Variants in NEDD4 observed in about 807,000 individuals in gnomAD.
NEDD4 encodes the protein E3 ubiquitin-protein ligase NEDD4.
A neutral mutation model predicts 144.9 loss-of-function variants in NEDD4; 99 were observed. The observed-to-expected ratio is 0.68, with a 90% CI of 0.58 to 0.81. The LOEUF (loss-of-function observed/expected upper bound fraction) is 0.81. Among genes scored for constraint, NEDD4 ranks in the 30% least tolerant of loss-of-function variants. NEDD4 has a pLI of 0.00. For missense variants in NEDD4, 985 were observed against 1,065.9 expected (o/e 0.92, Z 1.06); for synonymous variants, 318 against 350.6 (o/e 0.91, Z 1.04).
rs567805243 is a variant in NEDD4, at chr15:55,989,052, A to G, written c.45+4459T>C. Among the ~76,000 whole-genome samples, 229 of 152,306 alleles carry G rather than the reference A, an allele frequency of 1.5e-3. 1 individual carries two copies. Among genetic ancestry groups the G allele is most frequent in the African/African-American group, 5.3e-3 (222 of 41,560 alleles). On this transcript the variant is annotated intron_variant, in intron 1 of 28. Transcript: ENST00000435532. ...GGAGTTCGAGACCAGCCTGGCCAAC[A>G]TGGTAAAACCCCATCTCTACCAAAA...
chr15:55,838,510 T>C lies in NEDD4; in HGVS notation c.2126A>G (p.Gln709Arg). ...RFIIDEELFG[Q>R]THQHELKNGG... is the part of the protein sequence containing the mutation. ...TTTAACTGATCAAAATTCACAAACC[T>C]GTCCAAAAAGTTCTTCATCTATGAT... Residue 709 changes from glutamine (Q) to arginine (R), a missense_variant and splice_region_variant, in exon 22 of 29, where the codon CAG (glutamine) becomes CGG (arginine). Gln to Arg is a conservative substitution (Grantham distance 43, BLOSUM62 1). Coordinates refer to ENST00000435532, the MANE Select transcript of NEDD4 (RefSeq NM_006154.4). 1 of 1,608,084 alleles carries C rather than the reference T, an allele frequency of 6.2e-7. No individual in the cohort carries two copies. Among genetic ancestry groups the C allele is most frequent in the Non-Finnish European group, 8.5e-7 (1 of 1,175,518 alleles).
chr15:55,842,118 C>A lies in NEDD4; in HGVS notation c.1654G>T (p.Val552Phe). ...ATTCTCCGGTAAGAGTCTTCAAGAACAGTTGCTCGGCGAAGTTTCATTTCA... is the reference window on the plus strand; with the variant it reads ...ATTCTCCGGTAAGAGTCTTCAAGAAAAGTTGCTCGGCGAAGTTTCATTTCA... ...KFEMKLRRAT[V>F]LEDSYRRIMG... The change falls in exon 19 of 29, where the codon GTT becomes TTT. Residue 552 changes from valine to phenylalanine, a missense_variant. Transcript: ENST00000435532. 6.2e-7 allele frequency: 1 copy of A among 1,614,182 alleles called. No homozygotes were observed. The highest frequency in any genetic ancestry group is 8.5e-7 in the Non-Finnish European group (1 of 1,180,042).
At chr15:55,958,008 T>G (rs1383684825) in intron 2 of NEDD4, among the ~76,000 whole-genome samples, 1 of 152,132 alleles carries the variant, frequency 6.6e-6, no homozygotes, top group African/African-American at 2.4e-5. Flanking sequence ...TTAGGAGATA[T>G]ACCTAATGTA....
At chr15:55,895,112 C>A (rs773716753) in intron 5 of NEDD4, among the ~76,000 whole-genome samples, 6 of 152,150 alleles carry the variant, frequency 3.9e-5, no homozygotes, top group South Asian at 4.1e-4. Context: ...ATACTCACAG[C>A]TAGGTAACTG....
At chr15:55,940,105 T>A (rs1161547651) in intron 4 of NEDD4, among the ~76,000 whole-genome samples, 4 of 152,144 alleles carry the variant, frequency 2.6e-5, no homozygotes, top group Non-Finnish European at 4.4e-5. Context: ...AATAAGCTAG[T>A]CCCAGAAGAA....
chr15:55,868,627 G>A (rs532098229), intron 8 of NEDD4, among the ~76,000 whole-genome samples: 1 of 152,148 alleles, frequency 6.6e-6, no homozygotes, highest in African/African-American at 2.4e-5. Context: ...CACCATGATT[G>A]TGAGACCTCC....
chr15:55,923,916 C>T (rs1390577891), intron 5 of NEDD4, among the ~76,000 whole-genome samples: 1 of 151,792 alleles, frequency 6.6e-6, no homozygotes, highest in Non-Finnish European at 1.5e-5. Flanking sequence ...AACTGATAAG[C>T]TTTGCACACA....
intron 16 of NEDD4, 30 bp from the exon 17 acceptor site, chr15:55,848,460 C>T (rs2033841924): frequency 1.2e-6 from 2 of 1,613,160 alleles, no homozygotes; most frequent in Non-Finnish European, 8.5e-7. Flanking sequence ...AAAAGATGTA[C>T]TTTCTCACAC....
At chr15:55,978,855 T>G (rs1265893914) in intron 1 of NEDD4, among the ~76,000 whole-genome samples, 3 of 150,272 alleles carry the variant, frequency 2.0e-5, no homozygotes, top group South Asian at 4.2e-4. Flanking sequence ...GGTAGCTTCT[T>G]AAGGCTGAGA....
At chr15:55,893,867 A>G (rs1237004913) in intron 5 of NEDD4, among the ~76,000 whole-genome samples, 2 of 150,830 alleles carry the variant, frequency 1.3e-5, no homozygotes, top group Non-Finnish European at 3.0e-5. Flanking sequence ...CTGTTTTCTA[A>G]GGTAAACCAA....
At chr15:55,931,834 T>C (rs1291737907) in intron 4 of NEDD4, among the ~76,000 whole-genome samples, 3 of 152,206 alleles carry the variant, frequency 2.0e-5, no homozygotes, top group Non-Finnish European at 4.4e-5. Context: ...TCAGAGAATG[T>C]GCAACCATCA....
intron 4 of NEDD4, among the ~76,000 whole-genome samples, chr15:55,926,285 T>C (rs941450035): frequency 2.0e-5 from 3 of 152,148 alleles, no homozygotes; most frequent in Admixed American, 6.5e-5. Flanking sequence ...CTAGTGCCAG[T>C]CACTCCTCAG....
chr15:55,868,384 G>A (rs1200358879), intron 8 of NEDD4, among the ~76,000 whole-genome samples: 1 of 152,188 alleles, frequency 6.6e-6, no homozygotes, highest in African/African-American at 2.4e-5. Context: ...AATATGGTTT[G>A]GCTGTGTCCC....
chr15:55,838,360 G>C, intron 22 of NEDD4, 149 bp downstream of exon 22: 1 of 728,234 alleles, frequency 1.4e-6, no homozygotes, highest in Non-Finnish European at 2.3e-6. Context: ...AAATGTTAAA[G>C]AAAGTACAAA....
chr15:55,863,227 C>T (rs1365713929), intron 8 of NEDD4, 148 bp from the exon 9 acceptor site: 2 of 608,908 alleles, frequency 3.3e-6, no homozygotes, highest in Non-Finnish European at 4.9e-6. Context: ...ACTTTTAAGA[C>T]CATAATGTAA....
intron 4 of NEDD4, among the ~76,000 whole-genome samples, chr15:55,938,285 G>A (rs1236383021): frequency 2.0e-5 from 3 of 152,190 alleles, no homozygotes; most frequent in Admixed American, 6.5e-5. Context: ...TTTGAACCTG[G>A]GAGGTGGTGG....
intron 1 of NEDD4, among the ~76,000 whole-genome samples, chr15:55,968,338 T>C (rs1366258600): frequency 6.6e-6 from 1 of 152,114 alleles, no homozygotes; most frequent in Non-Finnish European, 1.5e-5. Flanking sequence ...CTTTAGCATG[T>C]GGAAAGATTT....
At chr15:55,943,664 G>A (rs929888533) in intron 4 of NEDD4, among the ~76,000 whole-genome samples, 6 of 152,180 alleles carry the variant, frequency 3.9e-5, no homozygotes, top group African/African-American at 4.8e-5. Flanking sequence ...TCTGGATATT[G>A]CAGGGGCAGA....
At chr15:55,942,119 G>A (rs181256316) in intron 4 of NEDD4, among the ~76,000 whole-genome samples, 148 of 151,586 alleles carry the variant, frequency 9.8e-4, no homozygotes, top group African/African-American at 3.5e-3. Context: ...ATCAACTATT[G>A]TGGATTTGTT....
Sources: gnomAD v4.1 joint callset for allele counts (sites outside exome capture counted in the v4.1 genomes callset) on GRCh38, gnomAD v4.1.1 for gene constraint, MANE v1.5 for transcripts, NCBI Gene and HGNC (gene_info 2026-07-23, HGNC 2026-07-21) for gene names.